Variants in CDH13 observed in about 807,000 individuals in gnomAD.
CDH13 encodes cadherin 13.
CDH13 carries 24 observed loss-of-function variants against 63.8 expected under a neutral mutation model. That is an observed-to-expected ratio of 0.38 (90% CI 0.27 to 0.53). CDH13 has a LOEUF of 0.53. Among genes scored for constraint, CDH13 ranks in the 20% least tolerant of loss-of-function variants. The probability of loss-of-function intolerance (pLI) is 0.85; values close to 1 mark genes in which losing one functional copy is unlikely to be tolerated. For synonymous variants in CDH13, 503 were observed against 355.3 expected (o/e 1.42, Z -4.67); for missense variants, 1,049 against 903.1 (o/e 1.16, Z -2.07).
chr16:83,792,379 G>T (rs1395510318), intron 13 of CDH13, among the ~76,000 whole-genome samples: 2 of 152,204 alleles, frequency 1.3e-5, no homozygotes, highest in Admixed American at 6.5e-5. Context: ...CATCTAAATT[G>T]ACTTAAAACA....
intron 6 of CDH13, among the ~76,000 whole-genome samples, chr16:83,405,469 T>G (rs1458040898): frequency 6.6e-6 from 1 of 152,116 alleles, no homozygotes; most frequent in Non-Finnish European, 1.5e-5. Flanking sequence ...GGCTTTGAAG[T>G]TGGAGGAAGA....
At chr16:83,321,921 G>A (rs2090236389) in intron 5 of CDH13, among the ~76,000 whole-genome samples, 1 of 152,194 alleles carries the variant, frequency 6.6e-6, no homozygotes, top group African/African-American at 2.4e-5. Flanking sequence ...CTATCTTGGG[G>A]CCAGATTCAG....
At chr16:82,734,466 G>A (rs995935009) in intron 1 of CDH13, among the ~76,000 whole-genome samples, 1 of 152,208 alleles carries the variant, frequency 6.6e-6, no homozygotes, top group Non-Finnish European at 1.5e-5. Context: ...GGGCAAAGGG[G>A]TGAGTGGAGG....
intron 6 of CDH13, among the ~76,000 whole-genome samples, chr16:83,401,590 A>G (rs995903696): frequency 6.6e-6 from 1 of 152,142 alleles, no homozygotes; most frequent in Non-Finnish European, 1.5e-5. Flanking sequence ...GAATTATACA[A>G]ATTATATACT....
intron 2 of CDH13, among the ~76,000 whole-genome samples, chr16:82,945,762 G>C (rs977578195): frequency 1.3e-5 from 2 of 152,162 alleles, no homozygotes; most frequent in Non-Finnish European, 2.9e-5. Flanking sequence ...AAGGCGTTTT[G>C]ATAGGCCAAA....
At chr16:82,793,019 C>T (rs775610723) in intron 1 of CDH13, among the ~76,000 whole-genome samples, 1 of 152,202 alleles carries the variant, frequency 6.6e-6, no homozygotes, top group Non-Finnish European at 1.5e-5. Context: ...CAGAAGCAGA[C>T]TTGACTTTGG....
At chr16:82,669,979 G>T (rs994727054) in intron 1 of CDH13, among the ~76,000 whole-genome samples, 5 of 152,218 alleles carry the variant, frequency 3.3e-5, no homozygotes, top group Non-Finnish European at 7.3e-5. Context: ...AAGATAAAGA[G>T]AAACCATTAT....
At chr16:83,670,724 C>G in intron 8 of CDH13, 66 bp from the exon 9 acceptor site, 1 of 1,413,550 alleles carries the variant, frequency 7.1e-7, no homozygotes, top group Non-Finnish European at 1.0e-6. Flanking sequence ...ATACCCAATG[C>G]AAAGCATGTA....
chr16:83,382,677 C>T (rs912906130), intron 6 of CDH13, among the ~76,000 whole-genome samples: 1 of 152,094 alleles, frequency 6.6e-6, no homozygotes, highest in Admixed American at 6.5e-5. Flanking sequence ...TCTAGCCCTC[C>T]TACCTTTCCC....
intron 2 of CDH13, among the ~76,000 whole-genome samples, chr16:83,020,926 C>G (rs1487429686): frequency 6.6e-6 from 1 of 152,242 alleles, no homozygotes; most frequent in Non-Finnish European, 1.5e-5. Flanking sequence ...GCCAAACACC[C>G]TGAAAGTTGC....
intron 1 of CDH13, among the ~76,000 whole-genome samples, chr16:82,780,739 C>T (rs568422663): frequency 6.6e-6 from 1 of 152,318 alleles, no homozygotes; most frequent in East Asian, 1.9e-4. Flanking sequence ...AACAGAGTGA[C>T]TTTACCCATG....
intron 5 of CDH13, among the ~76,000 whole-genome samples, chr16:83,307,738 A>G (rs1333658976): frequency 6.6e-6 from 1 of 152,208 alleles, no homozygotes; most frequent in Non-Finnish European, 1.5e-5. Context: ...TTTGATTGTG[A>G]GACTAAATGA....
chr16:82,689,854 T>C (rs748075635), intron 1 of CDH13, among the ~76,000 whole-genome samples: 1 of 151,464 alleles, frequency 6.6e-6, no homozygotes, highest in Non-Finnish European at 1.5e-5. Context: ...CTGATTAAGA[T>C]CTTCTCATAG....
chr16:83,382,267 C>G (rs2091582148), intron 6 of CDH13, among the ~76,000 whole-genome samples: 1 of 152,186 alleles, frequency 6.6e-6, no homozygotes, highest in South Asian at 2.1e-4. Context: ...TTGACCAATA[C>G]TAGCATCATC....
intron 3 of CDH13, among the ~76,000 whole-genome samples, chr16:83,038,942 C>T (rs949326741): frequency 9.2e-5 from 14 of 152,306 alleles, no homozygotes; most frequent in African/African-American, 3.1e-4. Context: ...GAAGTGACAT[C>T]AAGGGGCTTA....
chr16:83,145,589 A>C (rs767202413), intron 4 of CDH13, among the ~76,000 whole-genome samples: 7 of 152,208 alleles, frequency 4.6e-5, no homozygotes, highest in Non-Finnish European at 1.0e-4. Context: ...TCAGGGTCCC[A>C]CTTTGATATT....
intron 8 of CDH13, among the ~76,000 whole-genome samples, chr16:83,669,384 T>C (rs1914301323): frequency 6.6e-6 from 1 of 152,218 alleles, no homozygotes; most frequent in Non-Finnish European, 1.5e-5. Context: ...GTTAGTATAG[T>C]TTTCTTGCTC....
chr16:82,849,872 A>G (rs905884722), intron 1 of CDH13, among the ~76,000 whole-genome samples: 4 of 152,256 alleles, frequency 2.6e-5, no homozygotes, highest in African/African-American at 9.6e-5. Context: ...ACATCTGTTT[A>G]CAACATGATT....
chr16:83,780,256 C>G, intron 12 of CDH13, 55 bp downstream of exon 12: 5 of 1,228,482 alleles, frequency 4.1e-6, no homozygotes, highest in East Asian at 5.1e-5. Context: ...TTTATTTTCT[C>G]TTTCCCAAAA....
Sources: gnomAD v4.1 joint callset for allele counts (sites outside exome capture counted in the v4.1 genomes callset) on GRCh38, gnomAD v4.1.1 for gene constraint, MANE v1.5 for transcripts, NCBI Gene and HGNC (gene_info 2026-07-23, HGNC 2026-07-21) for gene names.